ADK: variants seen among roughly 807,000 people sequenced by gnomAD.
ADK encodes the protein N6,N6-dimethyladenosine kinase.
A neutral mutation model predicts 44.7 loss-of-function variants in ADK; 24 were observed. That is an observed-to-expected ratio of 0.54 (90% CI 0.39 to 0.76). The LOEUF (loss-of-function observed/expected upper bound fraction) is 0.76, where lower values mean the gene tolerates loss of function less well. ADK is among the 30% of genes least tolerant of loss of function. The probability of loss-of-function intolerance (pLI) is 0.00; values close to 1 mark genes in which losing one functional copy is unlikely to be tolerated. For synonymous variants in ADK, 128 were observed against 142.6 expected, an observed-to-expected ratio of 0.90 and a Z score of 0.73; for missense variants, 321 against 425.1, an observed-to-expected ratio of 0.76 and a Z score of 2.15.
chr10:74,634,813 C>T (rs925135008), intron 9 of ADK, among the ~76,000 whole-genome samples: 1 of 152,010 alleles, frequency 6.6e-6, no homozygotes, highest in Non-Finnish European at 1.5e-5. Context: ...GGTGCAGTGG[C>T]ACACGCCTAT....
At chr10:74,236,823 T>C (rs1461850507) in intron 3 of ADK, among the ~76,000 whole-genome samples, 1 of 152,226 alleles carries the variant, frequency 6.6e-6, no homozygotes, top group Non-Finnish European at 1.5e-5. Flanking sequence ...ATAAAAAATG[T>C]ATATGCCTTA....
chr10:74,345,948 G>C (rs1480829987), intron 4 of ADK, among the ~76,000 whole-genome samples: 1 of 152,164 alleles, frequency 6.6e-6, no homozygotes, highest in Non-Finnish European at 1.5e-5. Flanking sequence ...AGGCTGAAGT[G>C]CAGTGGTGTG....
chr10:74,638,886 C>T (rs1349484990), intron 9 of ADK, among the ~76,000 whole-genome samples: 1 of 152,118 alleles, frequency 6.6e-6, no homozygotes, highest in East Asian at 1.9e-4. Context: ...CTCACTGCAA[C>T]CCCTTCTTCC....
At chr10:74,568,580 G>A (rs544074826) in intron 7 of ADK, among the ~76,000 whole-genome samples, 16 of 150,336 alleles carry the variant, frequency 1.1e-4, no homozygotes, top group African/African-American at 3.9e-4. Context: ...TAAAAGAATG[G>A]CTACTCCATA....
At chr10:74,602,457 G>C (rs901815087) in intron 9 of ADK, among the ~76,000 whole-genome samples, 1 of 152,104 alleles carries the variant, frequency 6.6e-6, no homozygotes, top group Admixed American at 6.5e-5. Context: ...GTATATTCTA[G>C]ATATACATAC....
chr10:74,244,579 T>G (rs1035081999), intron 3 of ADK, among the ~76,000 whole-genome samples: 10 of 152,202 alleles, frequency 6.6e-5, no homozygotes, highest in Admixed American at 6.5e-4. Context: ...TAGCTGTATA[T>G]GCATGAAAAA....
intron 10 of ADK, among the ~76,000 whole-genome samples, chr10:74,689,961 C>G (rs546639729): frequency 6.6e-6 from 1 of 152,332 alleles, no homozygotes; most frequent in East Asian, 1.9e-4. Flanking sequence ...CCCAGGGCTT[C>G]TGATTTAGTA....
chr10:74,421,215 A>G (rs1844543681), intron 6 of ADK, among the ~76,000 whole-genome samples: 2 of 152,156 alleles, frequency 1.3e-5, no homozygotes, highest in African/African-American at 2.4e-5. Context: ...AGACTAAGGA[A>G]CACTATAGAA....
In ADK at chr10:74,614,702, A is replaced by G. The variant is rs114544681; in HGVS notation, c.877+14209A>G. Among the ~76,000 whole-genome samples the G allele has an allele frequency of 3.3e-3, 503 of 151,374 alleles. 2 individuals are homozygous for G. The highest frequency in any genetic ancestry group is 0.011 in the African/African-American group (466 of 41,490). On this transcript the variant is annotated intron_variant, in intron 9 of 10. Transcript: ENST00000539909. ...GTGCACTTTCTTACTTTTTGACAACATAAGATCCCCCGGGCTCACGTTGTA... is the reference window on the plus strand; with the variant it reads ...GTGCACTTTCTTACTTTTTGACAACGTAAGATCCCCCGGGCTCACGTTGTA...
At chr10:74,546,514 T>C (rs1323594640) in intron 7 of ADK, among the ~76,000 whole-genome samples, 2 of 152,186 alleles carry the variant, frequency 1.3e-5, no homozygotes, top group African/African-American at 4.8e-5. Context: ...GATTTAGTTA[T>C]CAGATTTGCT....
chr10:74,386,941 G>GTTTT (rs10631417), intron 4 of ADK, among the ~76,000 whole-genome samples: 30 of 147,438 alleles, frequency 2.0e-4, no homozygotes, highest in Non-Finnish European at 2.7e-4. Context: ...AGATATTTCA[G>GTTTT]TTTTTTTTTT....
chr10:74,457,807 G>A (rs12354659), intron 6 of ADK, among the ~76,000 whole-genome samples: 102,982 of 151,954 alleles, frequency 0.68, 35,759 homozygotes, highest in Middle Eastern at 0.84. Context: ...CATAAGTGGG[G>A]GTTGAACAAT....
intron 10 of ADK, among the ~76,000 whole-genome samples, chr10:74,686,030 C>T (rs1460708146): frequency 6.6e-6 from 1 of 152,012 alleles, no homozygotes; most frequent in African/African-American, 2.4e-5. Flanking sequence ...GGCGCAATCC[C>T]GACTCGCTGC....
At chr10:74,670,914 TA>T (rs1272931539) in intron 10 of ADK, among the ~76,000 whole-genome samples, 1 of 152,042 alleles carries the variant, frequency 6.6e-6, no homozygotes, top group Non-Finnish European at 1.5e-5. Context: ...TCCTTCTAGT[TA>T]AGTGTAGTTA....
chr10:74,559,669 C>T (rs1850384885), intron 7 of ADK, among the ~76,000 whole-genome samples: 1 of 152,158 alleles, frequency 6.6e-6, no homozygotes, highest in South Asian at 2.1e-4. Context: ...TCTTTTTAAG[C>T]TTTGCCAAAC....
chr10:74,228,809 A>G (rs886147574), intron 3 of ADK, among the ~76,000 whole-genome samples: 1 of 152,212 alleles, frequency 6.6e-6, no homozygotes, highest in Non-Finnish European at 1.5e-5. Flanking sequence ...GTCTGGAGTT[A>G]GGGGTGAATT....
At chr10:74,614,782 T>G (rs189581616) in intron 9 of ADK, among the ~76,000 whole-genome samples, 1 of 152,190 alleles carries the variant, frequency 6.6e-6, no homozygotes, top group African/African-American at 2.4e-5. Context: ...CCTGGTTCCC[T>G]TTATTGAAGA....
chr10:74,637,245 G>T (rs1853650702), intron 9 of ADK, among the ~76,000 whole-genome samples: 1 of 151,942 alleles, frequency 6.6e-6, no homozygotes. Context: ...ATCATCATAG[G>T]TTCTTAAAGC....
intron 3 of ADK, among the ~76,000 whole-genome samples, chr10:74,274,747 T>TATATATATATATATATATATATAC (rs532758145): frequency 7.3e-5 from 7 of 95,338 alleles, no homozygotes; most frequent in African/African-American, 1.8e-4. Context: ...TATATATATA[T>TATATATATATATATATATATATAC]ACACACACAC....
Sources: allele counts gnomAD v4.1 joint callset (sites outside exome capture counted in the v4.1 genomes callset), GRCh38; gene constraint gnomAD v4.1.1; transcripts MANE v1.5; gene names NCBI Gene and HGNC (gene_info 2026-07-23, HGNC 2026-07-21).